Variants in KCNMA1 observed in about 807,000 individuals in gnomAD.
KCNMA1 encodes potassium calcium-activated channel subfamily M alpha 1, also known as Calcium-activated potassium channel subunit alpha-1.
KCNMA1 carries 29 observed loss-of-function variants against 140.0 expected under a neutral mutation model. The observed-to-expected ratio is 0.21, with a 90% CI of 0.15 to 0.28. The LOEUF (loss-of-function observed/expected upper bound fraction) is 0.28. KCNMA1 is among the 10% of genes least tolerant of loss of function. KCNMA1 has a pLI of 1.00. For missense variants in KCNMA1, 880 were observed against 1,602.2 expected (o/e 0.55, Z 7.70); for synonymous variants, 612 against 611.9 (o/e 1.00, Z 0.00).
intron 14 of KCNMA1, among the ~76,000 whole-genome samples, chr10:77,046,901 T>C (rs1815269138): frequency 6.6e-6 from 1 of 152,216 alleles, no homozygotes; most frequent in African/African-American, 2.4e-5. Flanking sequence ...AGTGATCAAG[T>C]TGAAGCCAAA....
intron 3 of KCNMA1, among the ~76,000 whole-genome samples, chr10:77,236,803 T>C (rs2055643709): frequency 1.3e-5 from 2 of 152,168 alleles, no homozygotes; most frequent in South Asian, 4.1e-4. Context: ...AATCTCATGT[T>C]TTATTTATTT....
intron 1 of KCNMA1, among the ~76,000 whole-genome samples, chr10:77,489,761 C>G (rs2098509580): frequency 6.6e-6 from 1 of 152,260 alleles, no homozygotes; most frequent in Non-Finnish European, 1.5e-5. Flanking sequence ...CTTGAAAATA[C>G]TATAGAGTAA....
At chr10:77,274,907 G>A (rs1049295596) in intron 2 of KCNMA1, among the ~76,000 whole-genome samples, 11 of 152,240 alleles carry the variant, frequency 7.2e-5, no homozygotes, top group East Asian at 3.8e-4. Flanking sequence ...ACTGAGAAGG[G>A]AAGTGATGAA....
intron 6 of KCNMA1, among the ~76,000 whole-genome samples, chr10:77,118,948 T>A (rs2097539048): frequency 6.6e-6 from 1 of 152,160 alleles, no homozygotes; most frequent in Admixed American, 6.5e-5. Flanking sequence ...AGGTTGTGGG[T>A]TTGTGGCAAA....
At chr10:77,268,333 AAC>A (rs900008057) in intron 2 of KCNMA1, among the ~76,000 whole-genome samples, 24 of 152,098 alleles carry the variant, frequency 1.6e-4, no homozygotes, top group African/African-American at 5.3e-4. Context: ...CACACACTAA[AAC>A]ACACACACAC....
chr10:77,414,031 G>A (rs751416064), intron 1 of KCNMA1, among the ~76,000 whole-genome samples: 4 of 152,270 alleles, frequency 2.6e-5, no homozygotes, highest in East Asian at 1.9e-4. Context: ...GCACCCCTGC[G>A]CTGGGTGTGA....
rs2059580122 is a variant in KCNMA1, at chr10:77,251,106, AGGTT to A, written c.602+85_602+88del. On this transcript the variant is annotated intron_variant, in intron 3 of 27. Transcript: ENST00000286628. ...CTTCTGCACTCAGAAGGTCTTGCAA[AGGTT>A]GGTGTCAAGGTAAATAAATGGATCA... is the stretch of plus-strand genomic sequence containing the variant. The A allele has an allele frequency of 2.5e-5, 26 of 1,023,684 alleles. No homozygotes were observed. The South Asian group carries it at 3.3e-4, about 13-fold the overall frequency. The allele number at this position is 1,023,684 out of a possible 1,614,324, so 63.4% of individuals were successfully genotyped here. A position where few individuals can be genotyped will look rare whatever the true frequency, so the allele number is the denominator to read the frequency against.
intron 1 of KCNMA1, among the ~76,000 whole-genome samples, chr10:77,451,901 A>G (rs1201876263): frequency 6.6e-6 from 1 of 152,174 alleles, no homozygotes; most frequent in East Asian, 1.9e-4. Flanking sequence ...TCACCACAGG[A>G]AACTAGGCCT....
chr10:77,331,264 G>T (rs2086303594), intron 2 of KCNMA1, among the ~76,000 whole-genome samples: 1 of 152,156 alleles, frequency 6.6e-6, no homozygotes, highest in Non-Finnish European at 1.5e-5. Flanking sequence ...GAGGAATACA[G>T]TATCTAATCT....
At chr10:77,594,817 C>G (rs981994572) in intron 1 of KCNMA1, among the ~76,000 whole-genome samples, 2 of 152,166 alleles carry the variant, frequency 1.3e-5, no homozygotes, top group East Asian at 3.9e-4. Flanking sequence ...CTCTATAAAG[C>G]CTTCACACAC....
At chr10:77,019,361 G>T (rs997210468) in intron 16 of KCNMA1, 35 of 478,162 alleles carry the variant, frequency 7.3e-5, no homozygotes, top group Non-Finnish European at 1.1e-4. Flanking sequence ...TTAGGGCCTG[G>T]GTTTATATAA....
At chr10:77,009,157 C>T (rs889382428) in intron 18 of KCNMA1, among the ~76,000 whole-genome samples, 2 of 152,148 alleles carry the variant, frequency 1.3e-5, no homozygotes, top group African/African-American at 2.4e-5. Context: ...GAGAAGGAAG[C>T]GAGGCCCTTG....
chr10:77,606,445 C>A (rs908537742), intron 1 of KCNMA1, among the ~76,000 whole-genome samples: 2 of 152,068 alleles, frequency 1.3e-5, no homozygotes, highest in South Asian at 2.1e-4. Context: ...CCCATCTCTA[C>A]AAAATAATTA....
chr10:77,411,583 G>A (rs946532482), intron 1 of KCNMA1, among the ~76,000 whole-genome samples: 5 of 152,142 alleles, frequency 3.3e-5, no homozygotes, highest in East Asian at 1.9e-4. Context: ...CTGTCCTCCC[G>A]GGAACAGTGT....
chr10:77,015,016 C>T (rs188030892), intron 17 of KCNMA1, among the ~76,000 whole-genome samples: 1 of 152,334 alleles, frequency 6.6e-6, no homozygotes, highest in East Asian at 1.9e-4. Context: ...CTACCCCATT[C>T]TCCTGTTGCT....
chr10:77,200,771 T>C (rs1022990313), intron 3 of KCNMA1, among the ~76,000 whole-genome samples: 3 of 152,232 alleles, frequency 2.0e-5, no homozygotes, highest in Non-Finnish European at 2.9e-5. Flanking sequence ...CTGGACATAG[T>C]AGACACATGC....
At chr10:77,153,815 C>G (rs922048290) in intron 5 of KCNMA1, among the ~76,000 whole-genome samples, 3 of 152,106 alleles carry the variant, frequency 2.0e-5, no homozygotes, top group Non-Finnish European at 4.4e-5. Context: ...TGCACCCTGC[C>G]CAAAGTTGCT....
chr10:77,570,732 T>TCTA (rs1227716411), intron 1 of KCNMA1, among the ~76,000 whole-genome samples: 71 of 106,770 alleles, frequency 6.6e-4, no homozygotes, highest in Non-Finnish European at 1.2e-3. Context: ...AAACTTAAAG[T>TCTA]ATAATAATAA....
intron 3 of KCNMA1, among the ~76,000 whole-genome samples, chr10:77,234,921 G>C (rs1307492441): frequency 6.6e-6 from 1 of 152,168 alleles, no homozygotes; most frequent in Non-Finnish European, 1.5e-5. Context: ...CTAAGATCCT[G>C]TGAAGTTAAG....
Sources: allele counts gnomAD v4.1 joint callset (sites outside exome capture counted in the v4.1 genomes callset), GRCh38; gene constraint gnomAD v4.1.1; transcripts MANE v1.5; gene names NCBI Gene and HGNC (gene_info 2026-07-23, HGNC 2026-07-21).